Variants in CLEC12A observed in about 807,000 individuals in gnomAD.
CLEC12A encodes the protein C-type lectin domain family 12 member A, also known as C-type lectin protein CLL-1.
In CLEC12A, 22 loss-of-function variants were observed where a neutral mutation model predicts 26.5. That is an observed-to-expected ratio of 0.83 (90% confidence interval 0.59 to 1.19). The LOEUF (loss-of-function observed/expected upper bound fraction) is 1.19. Among genes scored for constraint, CLEC12A ranks in the 50% most tolerant of loss-of-function variants. CLEC12A has a pLI of 0.00. For missense variants in CLEC12A, 353 were observed against 315.6 expected (o/e 1.12, Z -0.90); for synonymous variants, 119 against 101.9 (o/e 1.17, Z -1.01).
chr12:9,999,134 C>G (rs1379103593), downstream of CLEC12A: 2 of 1,482,960 alleles, frequency 1.3e-6, no homozygotes, highest in South Asian at 2.4e-5. Flanking sequence ...GCTCAGAGTT[C>G]AATGACTTTG....
intron 1 of CLEC12A, among the ~76,000 whole-genome samples, chr12:9,963,599 C>T (rs2401641): frequency 0.33 from 49,856 of 151,628 alleles, 8,865 homozygotes; most frequent in East Asian, 0.46. Flanking sequence ...TTTGTCGTGT[C>T]GGTGTCATGA....
downstream of CLEC12A, chr12:9,998,163 G>A (rs1332270751): frequency 1.4e-5 from 10 of 738,494 alleles, no homozygotes; most frequent in Admixed American, 1.7e-4. Flanking sequence ...ACTATCTGTA[G>A]GACAACTGTA....
At chr12:9,967,730 C>T (rs548768320), upstream of CLEC12A, among the ~76,000 whole-genome samples, 9 of 151,162 alleles carry the variant, frequency 6.0e-5, no homozygotes, top group South Asian at 6.3e-4. Context: ...TGGAGAAAAG[C>T]GGTGGGGTTC....
chr12:9,957,326 A>G (rs1863757257), intron 1 of CLEC12A, among the ~76,000 whole-genome samples: 1 of 152,072 alleles, frequency 6.6e-6, no homozygotes, highest in Admixed American at 6.6e-5. Flanking sequence ...CATCTCTACT[A>G]AAAATACAAA....
At chr12:10,002,440 G>GTTTTTTTTTTTTTTGTTTTT in the CLEC12A span, among the ~76,000 whole-genome samples, 1 of 40,480 alleles carries the variant, frequency 2.5e-5, no homozygotes, top group Non-Finnish European at 5.0e-5. Context: ...GTTGGGTAAT[G>GTTTTTTTTTTTTTTGTTTTT]TTTTTTTTTT....
chr12:9,987,694 G>A (rs999875209), downstream of CLEC12A, among the ~76,000 whole-genome samples: 2 of 152,050 alleles, frequency 1.3e-5, no homozygotes, highest in East Asian at 3.9e-4. Context: ...CTTCCATAAA[G>A]TTTGTTTAAA....
chr12:9,984,882 C>T lies in CLEC12A; in HGVS notation c.654C>T (p.Asn218=), dbSNP rs759016873. ...IINSSAWVIR[N]APDLNNMYCG... is the part of the protein sequence containing the mutation. Reference sequence around the variant, plus strand: ...CTTTCTCTTTCAGGGTTATAAGAAACGCACCTGACTTAAATAACATGTATT... The same window carrying T: ...CTTTCTCTTTCAGGGTTATAAGAAATGCACCTGACTTAAATAACATGTATT... The change falls in exon 6 of 6, where the codon AAC becomes AAT. Residue 218 remains asparagine, a synonymous_variant. Transcript: ENST00000304361. 57 of 1,508,428 alleles carry T rather than the reference C, an allele frequency of 3.8e-5. No individual in the cohort carries two copies. The highest frequency in any genetic ancestry group is 4.6e-5 in the Non-Finnish European group (52 of 1,126,622). The allele number at this position is 1,508,428 out of a possible 1,614,324, so 93.4% of individuals were successfully genotyped here.
At chr12:9,973,190 G>A (rs1864194789) in intron 1 of CLEC12A, among the ~76,000 whole-genome samples, 1 of 152,158 alleles carries the variant, frequency 6.6e-6, no homozygotes, top group Admixed American at 6.5e-5. Flanking sequence ...GCTAGGTGCA[G>A]TGGCTCATAC....
At chr12:9,973,452 T>G (rs1456663548) in intron 1 of CLEC12A, among the ~76,000 whole-genome samples, 1 of 150,920 alleles carries the variant, frequency 6.6e-6, no homozygotes, top group African/African-American at 2.4e-5. Flanking sequence ...AGATCCTGCC[T>G]CAAACAAATC....
chr12:9,979,758 A>G (rs1260747595), intron 3 of CLEC12A, among the ~76,000 whole-genome samples: 2 of 152,232 alleles, frequency 1.3e-5, no homozygotes, highest in East Asian at 1.9e-4. Flanking sequence ...TGGTTACATA[A>G]TAAAATGTTA....
chr12:9,996,955 C>T, downstream of CLEC12A: 2 of 1,614,098 alleles, frequency 1.2e-6, no homozygotes, highest in Non-Finnish European at 1.7e-6. Flanking sequence ...GCAGCTATCT[C>T]CATAATATCT....
downstream of CLEC12A, among the ~76,000 whole-genome samples, chr12:9,987,334 G>A (rs2137217465): frequency 6.6e-6 from 1 of 152,186 alleles, no homozygotes; most frequent in South Asian, 2.1e-4. Flanking sequence ...CATAGGGGTG[G>A]CTTCAGTTAA....
intron 4 of CLEC12A, among the ~76,000 whole-genome samples, chr12:9,993,833 G>A (rs1864960271): frequency 6.6e-6 from 1 of 152,138 alleles, no homozygotes; most frequent in African/African-American, 2.4e-5. Flanking sequence ...TGCTTATAAT[G>A]AGATGACAAG....
chr12:9,993,984 G>A (rs1049234163), intron 4 of CLEC12A, among the ~76,000 whole-genome samples: 5 of 152,122 alleles, frequency 3.3e-5, no homozygotes, highest in South Asian at 2.1e-4. Context: ...TAAGTGGGGC[G>A]ATACCGGTAA....
downstream of CLEC12A, among the ~76,000 whole-genome samples, chr12:9,988,254 A>G (rs111341986): frequency 1.2e-4 from 18 of 152,320 alleles, no homozygotes; most frequent in African/African-American, 4.3e-4. Context: ...CTAAAACCAT[A>G]AAAATCCTAG....
chr12:9,962,262 T>C lies in CLEC12A; in HGVS notation c.11-9315T>C, dbSNP rs1476355304. Among the ~76,000 whole-genome samples the C allele has an allele frequency of 2.4e-3, 367 of 151,000 alleles. 4 individuals carry two copies. Among genetic ancestry groups the C allele is most frequent in the African/African-American group, 8.5e-3 (352 of 41,394 alleles). ...GTATAACCGGTTTTTTCTTTTTTTT[T>C]TTTTTTTTTGGATCCCAAGTGTGTG... On this transcript the variant is annotated intron_variant, in intron 1 of 6. Coordinates refer to the CLEC12A transcript ENST00000355690.
intron 1 of CLEC12A, among the ~76,000 whole-genome samples, chr12:9,961,197 A>G (rs1863822692): frequency 6.6e-6 from 1 of 152,218 alleles, no homozygotes; most frequent in Non-Finnish European, 1.5e-5. Context: ...CATGCAAATG[A>G]AGCCTCCAGA....
chr12:9,962,979 C>T (rs568893006), intron 1 of CLEC12A, among the ~76,000 whole-genome samples: 2 of 151,990 alleles, frequency 1.3e-5, no homozygotes, highest in African/African-American at 2.4e-5. Flanking sequence ...GGATTAGGGG[C>T]GATGTGGGAA....
chr12:9,984,855 T>C lies in CLEC12A; in HGVS notation c.642-15T>C, dbSNP rs1864707273. ...ATCTGACTTGCCAAGTGTAATTCTT[T>C]ACTTTCTCTTTCAGGGTTATAAGAA... On this transcript the variant is annotated splice_polypyrimidine_tract_variant and intron_variant, in intron 5 of 5. Coordinates refer to ENST00000304361, the MANE Select transcript of CLEC12A (RefSeq NM_138337.6). 2 of 1,454,200 alleles carry C rather than the reference T, an allele frequency of 1.4e-6. No homozygotes were observed. The highest frequency in any genetic ancestry group is 1.8e-6 in the Non-Finnish European group (2 of 1,100,024). The allele number at this position is 1,454,200 out of a possible 1,614,324, so 90.1% of individuals were successfully genotyped here. A position where few individuals can be genotyped will look rare whatever the true frequency, so the allele number is the denominator to read the frequency against.
Sources: gnomAD v4.1 joint callset for allele counts (sites outside exome capture counted in the v4.1 genomes callset) on GRCh38, gnomAD v4.1.1 for gene constraint, MANE v1.5 for transcripts, NCBI Gene and HGNC (gene_info 2026-07-23, HGNC 2026-07-21) for gene names.